Variants in CTNNA2 observed in about 807,000 individuals in gnomAD.
CTNNA2 encodes catenin alpha 2.
In CTNNA2, 42 loss-of-function variants were observed where a neutral mutation model predicts 101.0. The ratio of observed to expected loss-of-function variants is 0.42; its 90% CI spans 0.32 to 0.54. The LOEUF is 0.54. CTNNA2 is among the 20% of genes least tolerant of loss of function. The probability of loss-of-function intolerance (pLI) is 0.14; values close to 1 mark genes in which losing one functional copy is unlikely to be tolerated. For synonymous variants in CTNNA2, 450 were observed against 456.4 expected, an observed-to-expected ratio of 0.99 and a Z score of 0.18; for missense variants, 871 against 1,223.1, an observed-to-expected ratio of 0.71 and a Z score of 4.29.
At chr2:79,365,501 C>T (rs575574124) in intron 3 of CTNNA2, among the ~76,000 whole-genome samples, 9 of 151,272 alleles carry the variant, frequency 5.9e-5, no homozygotes, top group African/African-American at 1.9e-4. Context: ...TGGTGCATGC[C>T]TGTAGTCATA....
intron 7 of CTNNA2, among the ~76,000 whole-genome samples, chr2:80,027,840 A>G (rs1054853679): frequency 3.3e-5 from 5 of 151,858 alleles, no homozygotes; most frequent in Admixed American, 3.3e-4. Context: ...AGACGTGGTC[A>G]CATGCACCAG....
chr2:80,303,152 T>C lies in CTNNA2; in HGVS notation c.1057-90059T>C. ...GCGCGGGAAGTGGGCGAAGTTCACC[T>C]TGACCAAGTCGTTGTGCTCGAGGTG... On this transcript the variant is annotated intron_variant, in intron 7 of 18. Transcript: ENST00000402739. This position sits in a 1 kb window ranked among gnomAD's most constrained non-coding sequence, Gnocchi z 7.7. The C allele has an allele frequency of 6.2e-7, 1 of 1,614,146 alleles. No homozygotes were observed. Among genetic ancestry groups the C allele is most frequent in the Non-Finnish European group, 8.5e-7 (1 of 1,180,024 alleles).
At chr2:80,498,170 GTTGT>G (rs1687614794) in intron 9 of CTNNA2, among the ~76,000 whole-genome samples, 1 of 152,102 alleles carries the variant, frequency 6.6e-6, no homozygotes, top group Non-Finnish European at 1.5e-5. Flanking sequence ...CACACCCCAA[GTTGT>G]TTTTGTTCAA....
Position 80,019,301 on chromosome 2 carries a change from AAC to A in CTNNA2, c.1056+109508_1056+109509del, listed in dbSNP as rs1291275487. 2.0e-5 allele frequency among the ~76,000 whole-genome samples: 3 copies of A among 152,318 alleles called. No individual in the cohort carries two copies. In the South Asian group the frequency reaches 6.2e-4, roughly 32 times the overall value. ...AAGTTGAGGCATGGTTGAAACCAAT[AAC>A]ACAGCAATGGTTGAGATTTAGCTTG... On this transcript the variant is annotated intron_variant, in intron 7 of 18. Coordinates refer to ENST00000402739, the MANE Select transcript of CTNNA2 (RefSeq NM_001282597.3).
At chr2:79,277,369 G>A (rs1378555838) in intron 2 of CTNNA2, among the ~76,000 whole-genome samples, 1 of 152,108 alleles carries the variant, frequency 6.6e-6, no homozygotes, top group South Asian at 2.1e-4. Flanking sequence ...TTTATTAAAA[G>A]CTGAATTCCA....
At chr2:79,595,774 A>G (rs935990875) in intron 1 of CTNNA2, among the ~76,000 whole-genome samples, 4 of 151,930 alleles carry the variant, frequency 2.6e-5, no homozygotes, top group Non-Finnish European at 5.9e-5. Flanking sequence ...TACTTAATCT[A>G]TACTGTACAC....
At chr2:79,899,537 C>T (rs1684942624) in intron 6 of CTNNA2, among the ~76,000 whole-genome samples, 2 of 152,132 alleles carry the variant, frequency 1.3e-5, no homozygotes, top group Admixed American at 6.5e-5. Context: ...TAAGCTTCTT[C>T]TCAAAAACGA....
chr2:79,917,084 T>TTTG (rs1180157875), intron 7 of CTNNA2, among the ~76,000 whole-genome samples: 1 of 127,864 alleles, frequency 7.8e-6, no homozygotes, highest in African/African-American at 3.2e-5. Context: ...TATTTATTTA[T>TTTG]TTTTTTGAGA....
At chr2:79,595,701 G>A (rs1384345720) in intron 1 of CTNNA2, among the ~76,000 whole-genome samples, 5 of 151,810 alleles carry the variant, frequency 3.3e-5, no homozygotes, top group East Asian at 3.9e-4. Flanking sequence ...TTAGACCTTC[G>A]TTTTCCTTTA....
At chr2:80,073,243 T>G (rs1457835307) in intron 7 of CTNNA2, among the ~76,000 whole-genome samples, 4 of 152,090 alleles carry the variant, frequency 2.6e-5, no homozygotes, top group African/African-American at 7.2e-5. Flanking sequence ...GACCACAAGG[T>G]GGCAGTGGTA....
At chr2:80,158,334 A>T (rs1704106508) in intron 7 of CTNNA2, among the ~76,000 whole-genome samples, 1 of 152,226 alleles carries the variant, frequency 6.6e-6, no homozygotes, top group African/African-American at 2.4e-5. Flanking sequence ...ATTTTGAGAT[A>T]ATCATCTATT....
At chr2:79,946,266 G>A (rs1688486372) in intron 7 of CTNNA2, among the ~76,000 whole-genome samples, 1 of 152,022 alleles carries the variant, frequency 6.6e-6, no homozygotes, top group African/African-American at 2.4e-5. Context: ...ACTGGGAGCT[G>A]TTGCCAGGAA....
At position 80,648,386 on chromosome 2, in the gene CTNNA2, A is replaced by C. The variant is rs1439695109; in HGVS notation, c.*514A>C. 1.3e-5 allele frequency: 2 copies of C among 152,598 alleles called. No individual in the cohort carries two copies. Among genetic ancestry groups the C allele is most frequent in the Non-Finnish European group, 2.9e-5 (2 of 68,032 alleles). 9.5% of individuals were successfully genotyped at this position (152,598 alleles called of 1,614,324 possible). A position where few individuals can be genotyped will look rare whatever the true frequency, so the allele number is the denominator to read the frequency against. On this transcript the variant is annotated 3_prime_UTR_variant, in exon 19 of 19. Transcript: ENST00000402739. ...CCTTGAAGTCTATATCCGTGATATT[A>C]TGTCGATTTTTAACTGAGGGGAAAT...
intron 3 of CTNNA2, among the ~76,000 whole-genome samples, chr2:79,329,737 AG>A (rs1287011698): frequency 6.6e-6 from 1 of 152,182 alleles, no homozygotes; most frequent in Non-Finnish European, 1.5e-5. Context: ...GAGATCTCAA[AG>A]TCTTCAGCTA....
intron 2 of CTNNA2, among the ~76,000 whole-genome samples, chr2:79,740,498 G>A (rs1036346204): frequency 6.6e-6 from 1 of 152,032 alleles, no homozygotes; most frequent in African/African-American, 2.4e-5. Context: ...GCATTTTCTA[G>A]ACTGAGACTC....
intron 2 of CTNNA2, chr2:79,687,555 G>T: frequency 1.4e-6 from 1 of 701,226 alleles, no homozygotes; most frequent in South Asian, 1.5e-5. Flanking sequence ...TGTTTTGTTT[G>T]CCTTGCAGTG....
At chr2:79,740,563 T>C (rs1002450521) in intron 2 of CTNNA2, among the ~76,000 whole-genome samples, 11 of 152,186 alleles carry the variant, frequency 7.2e-5, no homozygotes, top group African/African-American at 2.7e-4. Flanking sequence ...AAATAGTTGG[T>C]TAACATTTCA....
intron 2 of CTNNA2, among the ~76,000 whole-genome samples, chr2:79,219,673 G>T (rs966755787): frequency 1.3e-5 from 2 of 152,106 alleles, no homozygotes; most frequent in Non-Finnish European, 2.9e-5. Context: ...GATATTCGTG[G>T]ATCATAAAAG....
At chr2:80,318,656 T>C (rs1287141907) in intron 7 of CTNNA2, among the ~76,000 whole-genome samples, 1 of 152,178 alleles carries the variant, frequency 6.6e-6, no homozygotes, top group Non-Finnish European at 1.5e-5. Context: ...TTTTAACTTA[T>C]TTATGTGGTG....
Sources: allele counts gnomAD v4.1 joint callset (sites outside exome capture counted in the v4.1 genomes callset), GRCh38; gene constraint gnomAD v4.1.1; non-coding constraint Gnocchi (gnomAD v3.1); transcripts MANE v1.5; gene names NCBI Gene and HGNC (gene_info 2026-07-23, HGNC 2026-07-21).